CREBRF: variants seen among roughly 807,000 people sequenced by gnomAD.
CREBRF encodes CREB3 regulatory factor, also known as UPF0474 protein C5orf41.
In CREBRF, 5 loss-of-function variants were observed where a neutral mutation model predicts 66.1. That is an observed-to-expected ratio of 0.08 (90% CI 0.04 to 0.16). The LOEUF is 0.16. Among genes scored for constraint, CREBRF ranks in the 10% least tolerant of loss-of-function variants. The pLI is 1.00. For synonymous variants in CREBRF, 229 were observed against 264.4 expected (o/e 0.87, Z 1.30); for missense variants, 531 against 744.9 (o/e 0.71, Z 3.34).
At chr5:173,082,017 T>TTTTTTTTTTTTTTGTTTG in intron 2 of CREBRF, among the ~76,000 whole-genome samples, 1 of 130,408 alleles carries the variant, frequency 7.7e-6, no homozygotes, top group South Asian at 2.8e-4. Flanking sequence ...TTTTTTTTTT[T>TTTTTTTTTTTTTTGTTTG]TTTTTTTTTT....
At position 173,090,262 on chromosome 5, in the gene CREBRF, A is replaced by T. The variant is rs993451214; in HGVS notation, c.136-53A>T. 3.5e-6 allele frequency: 5 copies of T among 1,423,550 alleles called. No individual in the cohort carries two copies. The East Asian group carries it at 9.2e-5, about 26-fold the overall frequency. The allele number at this position is 1,423,550 out of a possible 1,614,324, so 88.2% of individuals were successfully genotyped here. ...TTTATCAGTTTGACATATGGAGGTG[A>T]ATATTTCCTTCTGAAATATGATGTG... On this transcript the variant is annotated intron_variant, in intron 3 of 8. Transcript: ENST00000296953. The surrounding 1 kb of genome is among the most constrained non-coding windows in gnomAD (Gnocchi z 4.5).
intron 1 of CREBRF, among the ~76,000 whole-genome samples, chr5:173,072,863 C>A (rs914393832): frequency 6.6e-6 from 1 of 152,130 alleles, no homozygotes; most frequent in Non-Finnish European, 1.5e-5. Flanking sequence ...CAAACAGATG[C>A]ATTTGTGCTC....
chr5:173,072,497 C>T (rs2113683972), intron 1 of CREBRF, among the ~76,000 whole-genome samples: 1 of 152,074 alleles, frequency 6.6e-6, no homozygotes, highest in Admixed American at 6.6e-5. Flanking sequence ...AGGATGGTCT[C>T]CATCTCCTGA....
At chr5:173,133,187 C>T (rs1414311962) in intron 8 of CREBRF, among the ~76,000 whole-genome samples, 2 of 152,090 alleles carry the variant, frequency 1.3e-5, no homozygotes, top group Non-Finnish European at 2.9e-5. Flanking sequence ...ATAAAAATGA[C>T]CCAAAACATC....
At chr5:173,133,174 A>G (rs911258240) in intron 8 of CREBRF, among the ~76,000 whole-genome samples, 43 of 152,188 alleles carry the variant, frequency 2.8e-4, no homozygotes, top group Non-Finnish European at 2.9e-5. Context: ...GTATCCAGTA[A>G]TTATAAAAAT....
intron 1 of CREBRF, among the ~76,000 whole-genome samples, chr5:173,075,914 A>C (rs1461803033): frequency 6.6e-6 from 1 of 152,020 alleles, no homozygotes; most frequent in African/African-American, 2.4e-5. Flanking sequence ...TGGATAATGG[A>C]TAATTTTAAA....
chr5:173,087,178 C>T (rs930808389), intron 3 of CREBRF, among the ~76,000 whole-genome samples: 1 of 152,074 alleles, frequency 6.6e-6, no homozygotes, highest in African/African-American at 2.4e-5. Context: ...AACTCCTGAC[C>T]TCAGGCTATC....
chr5:173,086,465 C>T, intron 2 of CREBRF, 36 bp from the exon 3 acceptor site: 1 of 1,607,532 alleles, frequency 6.2e-7, no homozygotes. Context: ...TCAAAGTAGT[C>T]TTTAACTTTC....
chr5:173,072,792 G>A (rs1757635780), intron 1 of CREBRF, among the ~76,000 whole-genome samples: 1 of 152,098 alleles, frequency 6.6e-6, no homozygotes, highest in African/African-American at 2.4e-5. Flanking sequence ...GTAAATATTA[G>A]AATGGTAAAT....
At chr5:173,094,736 T>C (rs1758438110) in intron 4 of CREBRF, among the ~76,000 whole-genome samples, 1 of 152,210 alleles carries the variant, frequency 6.6e-6, no homozygotes, top group African/African-American at 2.4e-5. Context: ...AGGTAGTCCC[T>C]TCACTCTGTT....
chr5:173,062,074 A>G (rs1288303655), intron 1 of CREBRF, among the ~76,000 whole-genome samples: 1 of 152,196 alleles, frequency 6.6e-6, no homozygotes, highest in Non-Finnish European at 1.5e-5. Flanking sequence ...ATTAATTTGT[A>G]GTGGTAGGGA....
At chr5:173,110,166 G>A (rs980998083) in intron 5 of CREBRF, 2 of 356,022 alleles carry the variant, frequency 5.6e-6, no homozygotes, top group South Asian at 2.3e-5. Flanking sequence ...TTATACCCTA[G>A]TCCTGATTTT....
chr5:173,138,600 C>A lies in CREBRF; in HGVS notation c.*4855C>A, dbSNP rs1759641274. ...TTTCAATGTGCCAAGTTTGGGTGAA[C>A]TAGGTTCGGTTTGCCTCTTTCATAA... is the stretch of plus-strand genomic sequence containing the variant. On this transcript the variant is annotated 3_prime_UTR_variant, in exon 9 of 9. Transcript: ENST00000296953. 6.6e-6 allele frequency: 1 copy of A among 152,080 alleles called. No homozygotes were observed. Among genetic ancestry groups the A allele is most frequent in the Non-Finnish European group, 1.5e-5 (1 of 68,016 alleles). The allele number at this position is 152,080 out of a possible 1,614,324, so 9.4% of individuals were successfully genotyped here.
At chr5:173,079,596 T>C (rs1757871857) in intron 1 of CREBRF, among the ~76,000 whole-genome samples, 1 of 152,124 alleles carries the variant, frequency 6.6e-6, no homozygotes, top group Admixed American at 6.6e-5. Context: ...TGACACTGCT[T>C]CTGGACTGAA....
intron 4 of CREBRF, among the ~76,000 whole-genome samples, chr5:173,104,263 C>G (rs112021623): frequency 1.3e-5 from 2 of 152,294 alleles, no homozygotes; most frequent in African/African-American, 4.8e-5. Context: ...AAAACCATAT[C>G]TCACGGTAAC....
chr5:173,105,640 G>A (rs1017689800), intron 4 of CREBRF, among the ~76,000 whole-genome samples: 2 of 151,980 alleles, frequency 1.3e-5, no homozygotes, highest in African/African-American at 4.8e-5. Flanking sequence ...GCTGATTTTT[G>A]TATTTTTAGT....
intron 3 of CREBRF, among the ~76,000 whole-genome samples, chr5:173,089,186 A>C (rs992661865): frequency 3.1e-4 from 46 of 149,906 alleles, no homozygotes; most frequent in Non-Finnish European, 5.0e-4. Context: ...CAAAAAAAAA[A>C]AAAACAAAAA....
At chr5:173,083,074 A>G (rs1225261330) in intron 2 of CREBRF, among the ~76,000 whole-genome samples, 5 of 151,606 alleles carry the variant, frequency 3.3e-5, no homozygotes, top group African/African-American at 1.2e-4. Flanking sequence ...TAAAAAATAT[A>G]AAAATTAGCT....
intron 4 of CREBRF, among the ~76,000 whole-genome samples, chr5:173,100,082 G>GTGTGTATA (rs199600192): frequency 1.5e-5 from 1 of 66,780 alleles, no homozygotes; most frequent in Non-Finnish European, 3.4e-5. Flanking sequence ...AATCTTTTGT[G>GTGTGTATA]TGTGTGTGTG....
Sources: gnomAD v4.1 joint callset for allele counts (sites outside exome capture counted in the v4.1 genomes callset) on GRCh38, gnomAD v4.1.1 for gene constraint, Gnocchi (gnomAD v3.1) non-coding constraint, MANE v1.5 for transcripts, NCBI Gene and HGNC (gene_info 2026-07-23, HGNC 2026-07-21) for gene names.